RRP12: variants seen among roughly 807,000 people sequenced by gnomAD.
RRP12 encodes RRP12-like protein.
Under a neutral mutation model 157.3 loss-of-function variants are expected in RRP12, and 78 were observed. The observed-to-expected ratio is 0.50, with a 90% CI of 0.41 to 0.60. The LOEUF (loss-of-function observed/expected upper bound fraction) is 0.60, where lower values mean the gene tolerates loss of function less well. Ranked by LOEUF, RRP12 falls within the 20% of genes least tolerant of loss-of-function variation. RRP12 has a pLI of 0.00. For synonymous variants in RRP12, 726 were observed against 670.9 expected (o/e 1.08, Z -1.27); for missense variants, 1,521 against 1,679.9 (o/e 0.91, Z 1.65).
At chr10:97,360,663 GC>G in intron 30 of RRP12, 45 bp from the exon 31 acceptor site, 1 of 1,464,846 alleles carries the variant, frequency 6.8e-7, no homozygotes, top group Non-Finnish European at 9.6e-7. Flanking sequence ...CAGGGGATGT[GC>G]CCACCCTCGG....
At chr10:97,389,673 T>G (rs1844746713) in intron 6 of RRP12, among the ~76,000 whole-genome samples, 1 of 152,038 alleles carries the variant, frequency 6.6e-6, no homozygotes. Context: ...CACTGGAGTC[T>G]CCCCACAACT....
intron 12 of RRP12, 150 bp downstream of exon 12, chr10:97,381,236 C>A: frequency 1.5e-6 from 1 of 646,082 alleles, no homozygotes; most frequent in Non-Finnish European, 2.7e-6. Context: ...GTAGCTGCTC[C>A]GGCAGATGTT....
intron 20 of RRP12, chr10:97,371,374 C>T: frequency 2.3e-6 from 1 of 436,838 alleles, no homozygotes; most frequent in South Asian, 3.7e-5. Flanking sequence ...GCCTGCACAT[C>T]TGCTGCTCTT....
intron 2 of RRP12, among the ~76,000 whole-genome samples, chr10:97,398,820 T>G (rs1199792627): frequency 6.6e-6 from 1 of 152,090 alleles, no homozygotes; most frequent in Non-Finnish European, 1.5e-5. Context: ...AATCAAGTAT[T>G]TCCAATGAAA....
intron 10 of RRP12, among the ~76,000 whole-genome samples, chr10:97,382,174 A>G (rs1031889748): frequency 7.2e-6 from 1 of 138,418 alleles, no homozygotes; most frequent in East Asian, 2.0e-4. Context: ...TGAAAACAGT[A>G]ACTTCTGCTA....
intron 15 of RRP12, among the ~76,000 whole-genome samples, chr10:97,376,923 A>G (rs1844325298): frequency 6.9e-6 from 1 of 144,712 alleles, no homozygotes. Context: ...TGTGTTGCCC[A>G]GGCTGGAGTG....
intron 8 of RRP12, among the ~76,000 whole-genome samples, chr10:97,386,723 G>T (rs769245440): frequency 5.3e-5 from 8 of 152,150 alleles, no homozygotes; most frequent in South Asian, 2.1e-4. Flanking sequence ...GGGTGCAGAG[G>T]CTCACATCTG....
At chr10:97,389,142 C>A (rs373957889) in intron 6 of RRP12, among the ~76,000 whole-genome samples, 1 of 152,084 alleles carries the variant, frequency 6.6e-6, no homozygotes, top group African/African-American at 2.4e-5. Flanking sequence ...GTAGCCCAGG[C>A]GGAGTGCAGT....
rs115383231 is a variant in RRP12, at chr10:97,369,033, A to C, written c.2955+392T>G. On this transcript the variant is annotated intron_variant, in intron 25 of 33. Coordinates refer to ENST00000370992, the MANE Select transcript of RRP12 (RefSeq NM_015179.4). ...CCCAAAGGAATGGCCTCTAACCAGC[A>C]AGGTCAAAATGCAAGATGGGAAAAA... is the stretch of plus-strand genomic sequence containing the variant. Among the ~76,000 whole-genome samples, 328 of 152,286 alleles carry C rather than the reference A, an allele frequency of 2.2e-3. 1 individual carries two copies. Among genetic ancestry groups the C allele is most frequent in the African/African-American group, 7.4e-3 (307 of 41,572 alleles).
intron 15 of RRP12, among the ~76,000 whole-genome samples, chr10:97,376,986 TCTC>T (rs1342729597): frequency 6.6e-6 from 1 of 151,734 alleles, no homozygotes; most frequent in African/African-American, 2.4e-5. Flanking sequence ...GTCCAAGCGT[TCTC>T]CTGCCTCAGC....
Position 97,366,127 on chromosome 10 carries a change from C to T in RRP12, c.3498G>A (p.Glu1166=), listed in dbSNP as rs151285292. 95 of 1,604,764 alleles carry T rather than the reference C, an allele frequency of 5.9e-5. No homozygotes were observed. The highest frequency in any genetic ancestry group is 7.6e-5 in the Non-Finnish European group (90 of 1,179,916). Residue 1166 remains glutamate (E), a synonymous_variant, in exon 29 of 34, where the codon GAG becomes GAA. Coordinates refer to ENST00000370992, the MANE Select transcript of RRP12 (RefSeq NM_015179.4). The part of the protein sequence containing the change: ...IREEADGNKM[E]EEEGAKGEDE... ...GCCCACCTTTGGCACCTTCCTCTTC[C>T]TCCATCTTGTTGCCGTCTGCCTCCT...
At position 97,388,687 on chromosome 10, in the gene RRP12, C is replaced by T. The variant is rs184168946; in HGVS notation, c.754-63G>A. ...GCGTTCCACCAGCATCTTGGGTGTC[C>T]GGCACAAGCACCAACCAATTAGCTT... On this transcript the variant is annotated intron_variant, in intron 6 of 33. Transcript: ENST00000370992. 4.5e-4 allele frequency: 707 copies of T among 1,587,042 alleles called. 3 individuals carry two copies. The African/African-American group carries it at 6.5e-3, about 15-fold the overall frequency.
intron 8 of RRP12, among the ~76,000 whole-genome samples, chr10:97,387,700 G>A (rs189521310): frequency 5.9e-5 from 9 of 151,848 alleles, no homozygotes; most frequent in African/African-American, 2.2e-4. Flanking sequence ...CAGAACTTTG[G>A]GAGGTTGAGG....
Position 97,400,509 on chromosome 10 carries a change from A to C in RRP12, c.165T>G (p.Ala55=), listed in dbSNP as rs752761246. 6.2e-7 allele frequency: 1 copy of C among 1,613,924 alleles called. No individual in the cohort carries two copies. The highest frequency in any genetic ancestry group is 2.2e-5 in the East Asian group (1 of 44,870). Residue 55 remains alanine, a synonymous_variant, in exon 2 of 34, where the codon GCT becomes GCG. Coordinates refer to ENST00000370992, the MANE Select transcript of RRP12 (RefSeq NM_015179.4). ...ACTGCAGCTCATTATGTAACTTCACAGCATCGACTGTCAGGTCACTCCTTC... is the reference window on the plus strand; with the variant it reads ...ACTGCAGCTCATTATGTAACTTCACCGCATCGACTGTCAGGTCACTCCTTC... ...PSGRSDLTVD[A]VKLHNELQSG... is the part of the protein sequence containing the mutation.
intron 6 of RRP12, among the ~76,000 whole-genome samples, 178 bp from the exon 7 acceptor site, chr10:97,388,802 A>G (rs1450966084): frequency 6.6e-6 from 1 of 152,240 alleles, no homozygotes; most frequent in Non-Finnish European, 1.5e-5. Flanking sequence ...TGAGCTGTGA[A>G]GCAAGACAAA....
chr10:97,388,770 G>A (rs553204370), intron 6 of RRP12, 146 bp from the exon 7 acceptor site: 2 of 969,448 alleles, frequency 2.1e-6, no homozygotes, highest in Admixed American at 2.8e-5. Flanking sequence ...GCTACACCAG[G>A]GCCTTCATGT....
intron 15 of RRP12, among the ~76,000 whole-genome samples, chr10:97,376,338 C>T (rs1844307329): frequency 6.6e-6 from 1 of 150,748 alleles, no homozygotes; most frequent in Admixed American, 6.6e-5. Context: ...CCTCAGCCTC[C>T]CAAGTAGCTG....
At position 97,372,759 on chromosome 10, in the gene RRP12, G is replaced by A; in HGVS notation, c.2226C>T (p.Asp742=). ...ACCTGGTAAAGTCAGAGCTGGCAGG[G>A]TCGAGCACCTTCTCACTGGCTTTTT... ...LLEKASEKVL[D]PASSDFTRLS... Residue 742 remains aspartate (D), a synonymous_variant, in exon 19 of 34, where the codon GAC becomes GAT. Transcript: ENST00000370992. 1 of 1,562,834 alleles carries A rather than the reference G, an allele frequency of 6.4e-7. No homozygotes were observed. Among genetic ancestry groups the A allele is most frequent in the Non-Finnish European group, 8.7e-7 (1 of 1,153,070 alleles).
intron 25 of RRP12, among the ~76,000 whole-genome samples, chr10:97,368,206 T>C (rs1024718489): frequency 2.7e-5 from 4 of 148,308 alleles, no homozygotes; most frequent in Non-Finnish European, 3.0e-5. Context: ...AATTTTTGTA[T>C]TTTTTAGTAG....
Sources: allele counts gnomAD v4.1 joint callset (sites outside exome capture counted in the v4.1 genomes callset), GRCh38; gene constraint gnomAD v4.1.1; transcripts MANE v1.5; gene names NCBI Gene and HGNC (gene_info 2026-07-23, HGNC 2026-07-21).